TIMD4: variants seen among roughly 807,000 people sequenced by gnomAD.
TIMD4 encodes T cell immunoglobulin and mucin domain containing 4, also known as T-cell immunoglobulin and mucin domain-containing protein 4.
Under a neutral mutation model 41.2 loss-of-function variants are expected in TIMD4, and 31 were observed. The observed-to-expected ratio is 0.75, with a 90% CI of 0.57 to 1.01. The LOEUF is 1.01. Ranked by LOEUF, TIMD4 falls within the 50% of genes least tolerant of loss-of-function variation. The pLI is 0.00. For missense variants in TIMD4, 479 were observed against 472.5 expected, an observed-to-expected ratio of 1.01 and a Z score of -0.13; for synonymous variants, 204 against 177.1, an observed-to-expected ratio of 1.15 and a Z score of -1.21.
intron 7 of TIMD4, 51 bp from the exon 8 acceptor site, chr5:156,920,554 A>T (rs1381703229): frequency 1.3e-6 from 2 of 1,590,394 alleles, no homozygotes; most frequent in African/African-American, 1.3e-5. Context: ...TGCATAGAAC[A>T]TGCAAAATGC....
chr5:156,937,420 A>G (rs1206008604), intron 5 of TIMD4, among the ~76,000 whole-genome samples: 1 of 152,050 alleles, frequency 6.6e-6, no homozygotes, highest in East Asian at 1.9e-4. Flanking sequence ...ACTGAGGTTT[A>G]CTCTTTTATT....
At chr5:156,958,881 T>C (rs947417016) in intron 1 of TIMD4, among the ~76,000 whole-genome samples, 11 of 152,150 alleles carry the variant, frequency 7.2e-5, no homozygotes, top group Non-Finnish European at 1.3e-4. Flanking sequence ...TCTGAGTGAA[T>C]TGACAGGAAG....
chr5:156,950,206 TC>T (rs1237344672), intron 3 of TIMD4, among the ~76,000 whole-genome samples: 2 of 152,168 alleles, frequency 1.3e-5, no homozygotes, highest in African/African-American at 4.8e-5. Context: ...GCTCAAGGGA[TC>T]CTCCTGCGTC....
At chr5:156,933,381 G>C (rs1356447624) in intron 5 of TIMD4, among the ~76,000 whole-genome samples, 1 of 151,942 alleles carries the variant, frequency 6.6e-6, no homozygotes, top group Non-Finnish European at 1.5e-5. Context: ...AATTAGCCAG[G>C]CATTCTAGGC....
At chr5:156,940,740 GGA>G (rs1759633341) in intron 5 of TIMD4, among the ~76,000 whole-genome samples, 1 of 152,062 alleles carries the variant, frequency 6.6e-6, no homozygotes, top group African/African-American at 2.4e-5. Context: ...TGGGAAGTGA[GGA>G]GAGTCTCCAC....
intron 5 of TIMD4, among the ~76,000 whole-genome samples, chr5:156,931,578 C>T (rs1269479551): frequency 6.6e-6 from 1 of 152,200 alleles, no homozygotes; most frequent in African/African-American, 2.4e-5. Flanking sequence ...GATGAGAATA[C>T]ATTTACAGGA....
chr5:156,939,866 T>C (rs1759607453), intron 5 of TIMD4, among the ~76,000 whole-genome samples: 2 of 152,184 alleles, frequency 1.3e-5, no homozygotes, highest in Admixed American at 1.3e-4. Flanking sequence ...CTTACTCCCA[T>C]CTAATACATC....
intron 5 of TIMD4, among the ~76,000 whole-genome samples, chr5:156,938,140 C>T: frequency 6.6e-6 from 1 of 152,134 alleles, no homozygotes. Flanking sequence ...TAAAATAGTG[C>T]AATGTAGGGC....
At chr5:156,949,058 A>C (rs1205518201) in intron 4 of TIMD4, among the ~76,000 whole-genome samples, 1 of 152,206 alleles carries the variant, frequency 6.6e-6, no homozygotes, top group East Asian at 1.9e-4. Flanking sequence ...GCAAAAAGGA[A>C]TAGAACTGGG....
Position 156,919,462 on chromosome 5 carries a change from G to C in TIMD4, c.1132C>G (p.Leu378Val), listed in dbSNP as rs778206598. ...TCTAACATGCTACTGCGTTGTTAGAGGGTAAAAAGGCCGTCTTCGTCTTCC... is the reference window on the plus strand; with the variant it reads ...TCTAACATGCTACTGCGTTGTTAGACGGTAAAAAGGCCGTCTTCGTCTTCC... ...GREDEDGLFTL is the reference protein window; with the variant it reads ...GREDEDGLFTV The change falls in exon 9 of 9, where the codon CTC (leucine) becomes GTC (valine). Residue 378 changes from leucine (L) to valine (V), a missense_variant. By Grantham distance (32) the Leu-to-Val change is conservative. Transcript: ENST00000274532. 1 of 1,613,944 alleles carries C rather than the reference G, an allele frequency of 6.2e-7. No individual in the cohort carries two copies. Among genetic ancestry groups the C allele is most frequent in the South Asian group, 1.1e-5 (1 of 91,074 alleles).
chr5:156,922,292 T>C (rs878945952), intron 6 of TIMD4, 76 bp from the exon 7 acceptor site: 7 of 1,112,418 alleles, frequency 6.3e-6, no homozygotes, highest in Admixed American at 5.4e-5. Flanking sequence ...CCCAGCCCAA[T>C]AGCACCTTAC....
At position 156,951,723 on chromosome 5, in the gene TIMD4, G is replaced by C. The variant is rs200211941; in HGVS notation, c.468C>G (p.Thr156=). The change falls in exon 3 of 9, where the codon ACC becomes ACG. Residue 156 remains threonine, a synonymous_variant. Coordinates refer to ENST00000274532, the MANE Select transcript of TIMD4 (RefSeq NM_138379.3). Reference sequence around the variant, plus strand: ...CTGGGGTTGTTGTCATTTGTCGGGTGGTGGTGGGGCTTGTTGTTGTTGTTC... The same window carrying C: ...CTGGGGTTGTTGTCATTTGTCGGGTCGTGGTGGGGCTTGTTGTTGTTGTTC... The part of the protein sequence containing the change: ...TRRTTTTSPT[T]TRQMTTTPAA... 2.5e-6 allele frequency: 4 copies of C among 1,614,112 alleles called. No individual in the cohort carries two copies. The highest frequency in any genetic ancestry group is 3.3e-4 in the Middle Eastern group (2 of 6,062).
At chr5:156,958,069 C>T (rs1396170228) in intron 1 of TIMD4, among the ~76,000 whole-genome samples, 2 of 151,672 alleles carry the variant, frequency 1.3e-5, no homozygotes, top group Non-Finnish European at 2.9e-5. Context: ...GTTAGGAGTT[C>T]GAGACCAGCC....
In TIMD4 at chr5:156,952,214, T is replaced by C. The variant is rs529840432; in HGVS notation, c.401-424A>G. Reference sequence around the variant, plus strand: ...CTGAGGCAGGAGAATCACTTCAACCTGGGAGGCAGAGGTTGCAGTGAGCTG... The same window carrying C: ...CTGAGGCAGGAGAATCACTTCAACCCGGGAGGCAGAGGTTGCAGTGAGCTG... On this transcript the variant is annotated intron_variant, in intron 2 of 8. Transcript: ENST00000274532. Among the ~76,000 whole-genome samples the C allele has an allele frequency of 1.1e-4, 16 of 149,680 alleles. No homozygotes were observed. The East Asian group carries it at 2.7e-3, about 26-fold the overall frequency.
chr5:156,962,330 G>A (rs1394617056), intron 1 of TIMD4, among the ~76,000 whole-genome samples: 1 of 151,648 alleles, frequency 6.6e-6, no homozygotes, highest in South Asian at 2.1e-4. Flanking sequence ...ACCCTGATTC[G>A]ATCATTGTAC....
chr5:156,933,322 G>T (rs1250120179), intron 5 of TIMD4, among the ~76,000 whole-genome samples: 2 of 152,226 alleles, frequency 1.3e-5, no homozygotes, highest in African/African-American at 4.8e-5. Flanking sequence ...TTTGAGACCA[G>T]CCTGGGAAAC....
At chr5:156,939,199 G>A (rs1581620019) in intron 5 of TIMD4, among the ~76,000 whole-genome samples, 2 of 152,178 alleles carry the variant, frequency 1.3e-5, no homozygotes, top group African/African-American at 2.4e-5. Context: ...AAAGAGACCT[G>A]GGATTCAAAT....
chr5:156,924,205 C>A, intron 6 of TIMD4: 1 of 443,658 alleles, frequency 2.3e-6, no homozygotes. Flanking sequence ...AAAAGGACTT[C>A]CCTCCCCAAA....
chr5:156,955,280 C>G (rs952473831), intron 1 of TIMD4, among the ~76,000 whole-genome samples: 1 of 152,154 alleles, frequency 6.6e-6, no homozygotes, highest in Non-Finnish European at 1.5e-5. Context: ...CATGAAAAAT[C>G]CTGACCTTGA....
Sources: gnomAD v4.1 joint callset for allele counts (sites outside exome capture counted in the v4.1 genomes callset) on GRCh38, gnomAD v4.1.1 for gene constraint, MANE v1.5 for transcripts, NCBI Gene and HGNC (gene_info 2026-07-23, HGNC 2026-07-21) for gene names.